Variants in WNT9A observed in about 807,000 individuals in gnomAD.
WNT9A encodes protein Wnt-9a.
In WNT9A, 8 loss-of-function variants were observed where a neutral mutation model predicts 31.4. The observed-to-expected ratio is 0.26, with a 90% CI of 0.15 to 0.46. The LOEUF is 0.46. WNT9A is among the 20% of genes least tolerant of loss of function. The pLI is 0.99. For missense variants in WNT9A, 457 were observed against 522.9 expected, an observed-to-expected ratio of 0.87 and a Z score of 1.23; for synonymous variants, 236 against 220.1, an observed-to-expected ratio of 1.07 and a Z score of -0.64.
intron 1 of WNT9A, among the ~76,000 whole-genome samples, chr1:227,937,076 T>C (rs1228841522): frequency 6.6e-6 from 1 of 152,210 alleles, no homozygotes. Context: ...GTTGTGCTAA[T>C]TCCCTTCAGC....
Position 227,920,337 on chromosome 1 carries a change from T to A in WNT9A, c.*1181A>T, listed in dbSNP as rs1666289841. 6.6e-6 allele frequency: 1 copy of A among 152,058 alleles called. No individual in the cohort carries two copies. The highest frequency in any genetic ancestry group is 2.1e-4 in the South Asian group (1 of 4,820). 9.4% of individuals were successfully genotyped at this position (152,058 alleles called of 1,614,324 possible). A position where few individuals can be genotyped will look rare whatever the true frequency, so the allele number is the denominator to read the frequency against. ...ACAACTAAGCAGATCAGAGGCAGGG[T>A]TAGGAGGGAATATGTCAGGGACGGA... On this transcript the variant is annotated 3_prime_UTR_variant, in exon 4 of 4. Coordinates refer to ENST00000272164, the MANE Select transcript of WNT9A (RefSeq NM_003395.4).
chr1:227,942,866 G>A lies in WNT9A; in HGVS notation c.95+4927C>T, dbSNP rs1321202353. The stretch of plus-strand genomic sequence containing the variant: ...CACCCGACCCAGGCCCCAGCCATGG[G>A]GTCACCCCAGATGCCGCCTTCTTGC... On this transcript the variant is annotated intron_variant, in intron 1 of 3. Transcript: ENST00000272164. The surrounding 1 kb of genome is among the most constrained non-coding windows in gnomAD (Gnocchi z 5.7). 1.3e-5 allele frequency among the ~76,000 whole-genome samples: 2 copies of A among 152,162 alleles called. No homozygotes were observed. Among genetic ancestry groups the A allele is most frequent in the African/African-American group, 4.8e-5 (2 of 41,438 alleles).
rs1666721918 is a variant in WNT9A, at chr1:227,942,355, G to C, written c.95+5438C>G. The stretch of plus-strand genomic sequence containing the variant: ...TTCCAAGGCCCCTGGGTGCAGAGCA[G>C]GAAGGAGGAAGGCCACCAGCGCCTG... On this transcript the variant is annotated intron_variant, in intron 1 of 3. Coordinates refer to ENST00000272164, the MANE Select transcript of WNT9A (RefSeq NM_003395.4). This position sits in a 1 kb window ranked among gnomAD's most constrained non-coding sequence, Gnocchi z 5.7. Among the ~76,000 whole-genome samples the C allele has an allele frequency of 6.6e-6, 1 of 152,150 alleles. No homozygotes were observed. Among genetic ancestry groups the C allele is most frequent in the Admixed American group, 6.5e-5 (1 of 15,290 alleles).
At chr1:227,931,963 C>T (rs983709801) in intron 1 of WNT9A, among the ~76,000 whole-genome samples, 2 of 151,748 alleles carry the variant, frequency 1.3e-5, no homozygotes, top group East Asian at 1.9e-4. Context: ...CCTCTTGATC[C>T]GCCTGCCTTG....
At chr1:227,936,031 C>G (rs750115416) in intron 1 of WNT9A, among the ~76,000 whole-genome samples, 1 of 152,218 alleles carries the variant, frequency 6.6e-6, no homozygotes, top group Non-Finnish European at 1.5e-5. Context: ...TCAGAGCCCA[C>G]GCTCTGCCCT....
intron 1 of WNT9A, among the ~76,000 whole-genome samples, chr1:227,938,248 T>C (rs1373392781): frequency 9.6e-5 from 11 of 115,166 alleles, no homozygotes; most frequent in Non-Finnish European, 5.4e-5. Flanking sequence ...CGGACACACA[T>C]GTGTACACAC....
In WNT9A at chr1:227,919,853, AACAC is replaced by A. The variant is rs71559823; in HGVS notation, c.*1661_*1664del. ...ACCACGCCAGCACACACACTCTCAC[AACAC>A]ACACACACACTACACCCTCAAACCA... On this transcript the variant is annotated 3_prime_UTR_variant, in exon 4 of 4. Coordinates refer to ENST00000272164, the MANE Select transcript of WNT9A (RefSeq NM_003395.4). 6.6e-6 allele frequency: 1 copy of A among 150,696 alleles called. No homozygotes were observed. The highest frequency in any genetic ancestry group is 2.1e-4 in the South Asian group (1 of 4,806). 9.3% of individuals were successfully genotyped at this position (150,696 alleles called of 1,614,324 possible).
intron 1 of WNT9A, among the ~76,000 whole-genome samples, chr1:227,930,395 T>C (rs1157551194): frequency 1.3e-5 from 2 of 152,120 alleles, no homozygotes; most frequent in African/African-American, 4.8e-5. Flanking sequence ...CAGCTGTGAG[T>C]TGTGCCGGGG....
In WNT9A at chr1:227,947,865, G is replaced by T. The variant is rs1177533167; in HGVS notation, c.23C>A (p.Ala8Glu). 1 of 1,084,448 alleles carries T rather than the reference G, an allele frequency of 9.2e-7. No individual in the cohort carries two copies. Among genetic ancestry groups the T allele is most frequent in the African/African-American group, 1.7e-5 (1 of 59,374 alleles). The allele number at this position is 1,084,448 out of a possible 1,614,324, so 67.2% of individuals were successfully genotyped here. A position where few individuals can be genotyped will look rare whatever the true frequency, so the allele number is the denominator to read the frequency against. ...CCCGAAGGCCGCGGCCAGCCAGCGC[G>T]CCAGCGGGGACCCATCCAGCATCTT... MLDGSPL[A>E]RWLAAAFGLT... The change falls in exon 1 of 4, where the codon GCG (alanine) becomes GAG (glutamate). Residue 8 changes from alanine (A) to glutamate (E), a missense_variant. Transcript: ENST00000272164.
rs1666256920 is a variant in WNT9A, at chr1:227,918,769, G to T, written c.*2749C>A. The T allele has an allele frequency of 6.6e-6, 1 of 152,264 alleles. No homozygotes were observed. Among genetic ancestry groups the T allele is most frequent in the Non-Finnish European group, 1.5e-5 (1 of 68,060 alleles). The allele number at this position is 152,264 out of a possible 1,614,324, so 9.4% of individuals were successfully genotyped here. A position where few individuals can be genotyped will look rare whatever the true frequency, so the allele number is the denominator to read the frequency against. On this transcript the variant is annotated 3_prime_UTR_variant, in exon 4 of 4. Transcript: ENST00000272164. Reference sequence around the variant, plus strand: ...CTCTGGGACGGGCCACACAGATGAGGTAGAGAAATCATTGCACGCACGGAG... The same window carrying T: ...CTCTGGGACGGGCCACACAGATGAGTTAGAGAAATCATTGCACGCACGGAG...
intron 1 of WNT9A, among the ~76,000 whole-genome samples, chr1:227,940,619 G>A (rs1302922041): frequency 6.6e-6 from 1 of 152,204 alleles, no homozygotes; most frequent in African/African-American, 2.4e-5. Context: ...CCAGCTCTGG[G>A]AGGCTCTGGC....
At chr1:227,943,449 T>G (rs2102731835) in intron 1 of WNT9A, among the ~76,000 whole-genome samples, 1 of 152,134 alleles carries the variant, frequency 6.6e-6, no homozygotes, top group South Asian at 2.1e-4. Flanking sequence ...GCATGGACAT[T>G]CTCCAAAGAA....
chr1:227,934,655 ACTGTGCGTTCTAGTTTCT>A (rs2102725158), intron 1 of WNT9A, among the ~76,000 whole-genome samples: 1 of 152,274 alleles, frequency 6.6e-6, no homozygotes, highest in South Asian at 2.1e-4. Context: ...TCTCAACAGT[ACTGTGCGTTCTAGTTTCT>A]CTCCTCTTCT....
At position 227,921,876 on chromosome 1, in the gene WNT9A, T is replaced by C. The variant is rs1572122498; in HGVS notation, c.740A>G (p.Tyr247Cys). The change falls in exon 4 of 4, where the codon TAT becomes TGT. Residue 247 changes from tyrosine (Y) to cysteine (C), a missense_variant. By Grantham distance (194) the Tyr-to-Cys change is radical. Coordinates refer to ENST00000272164, the MANE Select transcript of WNT9A (RefSeq NM_003395.4). ...GCTGCCCACCTTGAGTGCCGTCTCATACTTGTGCTTCAGATGCTTGCCCAC... is the reference window on the plus strand; with the variant it reads ...GCTGCCCACCTTGAGTGCCGTCTCACACTTGTGCTTCAGATGCTTGCCCAC... ...HEVGKHLKHK[Y>C]ETALKVGSTT... 1 of 1,613,182 alleles carries C rather than the reference T, an allele frequency of 6.2e-7. No individual in the cohort carries two copies. Among genetic ancestry groups the C allele is most frequent in the Non-Finnish European group, 8.5e-7 (1 of 1,179,934 alleles).
Position 227,925,735 on chromosome 1 carries a change from T to C in WNT9A, c.96-216A>G, listed in dbSNP as rs74140812. 0.13 allele frequency among the ~76,000 whole-genome samples: 19,702 copies of C among 151,944 alleles called. 1,554 individuals are homozygous for C. Among genetic ancestry groups the C allele is most frequent in the African/African-American group, 0.21 (8,754 of 41,438 alleles). ...CCCACTCCAGCGAGCATGGTCTCAG[T>C]GACCACAGGGCTGTCTCTGCTGCCG... On this transcript the variant is annotated intron_variant, in intron 1 of 3. Transcript: ENST00000272164. The surrounding 1 kb of genome is among the most constrained non-coding windows in gnomAD (Gnocchi z 6.0).
intron 1 of WNT9A, among the ~76,000 whole-genome samples, chr1:227,929,431 G>A (rs1158811410): frequency 6.6e-6 from 1 of 152,240 alleles, no homozygotes; most frequent in Non-Finnish European, 1.5e-5. Flanking sequence ...TGGTCTGAAT[G>A]TTTGTGTCTT....
chr1:227,925,195 G>T lies in WNT9A; in HGVS notation c.352+68C>A. On this transcript the variant is annotated intron_variant, in intron 2 of 3. Coordinates refer to ENST00000272164, the MANE Select transcript of WNT9A (RefSeq NM_003395.4). The surrounding 1 kb of genome is among the most constrained non-coding windows in gnomAD (Gnocchi z 6.0). ...AGCGCAGCCTAAGAGGGGCCTCTTG[G>T]GATATGGACAAGGCCTGGGCTGCCA... is the stretch of plus-strand genomic sequence containing the variant. 1 of 1,442,586 alleles carries T rather than the reference G, an allele frequency of 6.9e-7. No homozygotes were observed. Among genetic ancestry groups the T allele is most frequent in the Non-Finnish European group, 9.1e-7 (1 of 1,098,032 alleles). The allele number at this position is 1,442,586 out of a possible 1,614,324, so 89.4% of individuals were successfully genotyped here.
rs556347441 is a variant in WNT9A, at chr1:227,928,712, C to G, written c.96-3193G>C. ...GCAGAGGGGGCCCAGACCCTCCTGACAGGCAGGGCTTCCAGGTGGGGCTCT... is the reference window on the plus strand; with the variant it reads ...GCAGAGGGGGCCCAGACCCTCCTGAGAGGCAGGGCTTCCAGGTGGGGCTCT... On this transcript the variant is annotated intron_variant, in intron 1 of 3. Coordinates refer to ENST00000272164, the MANE Select transcript of WNT9A (RefSeq NM_003395.4). This position sits in a 1 kb window ranked among gnomAD's most constrained non-coding sequence, Gnocchi z 4.5. Among the ~76,000 whole-genome samples, 1 of 152,186 alleles carries G rather than the reference C, an allele frequency of 6.6e-6. No homozygotes were observed. Among genetic ancestry groups the G allele is most frequent in the Non-Finnish European group, 1.5e-5 (1 of 68,038 alleles).
chr1:227,922,684 A>G (rs1399187643), intron 3 of WNT9A, among the ~76,000 whole-genome samples: 2 of 152,104 alleles, frequency 1.3e-5, no homozygotes, highest in Non-Finnish European at 2.9e-5. Context: ...CTCAGCAGGG[A>G]GGGCCAGGCA....
Sources: gnomAD v4.1 joint callset for allele counts (sites outside exome capture counted in the v4.1 genomes callset) on GRCh38, gnomAD v4.1.1 for gene constraint, Gnocchi (gnomAD v3.1) non-coding constraint, MANE v1.5 for transcripts, NCBI Gene and HGNC (gene_info 2026-07-23, HGNC 2026-07-21) for gene names.